ATRN: variants seen among roughly 807,000 people sequenced by gnomAD.
The protein encoded by ATRN is attractin.
ATRN carries 54 observed loss-of-function variants against 178.7 expected under a neutral mutation model. The ratio of observed to expected loss-of-function variants is 0.30; its 90% confidence interval spans 0.24 to 0.38. ATRN has a LOEUF of 0.38. ATRN is among the 10% of genes least tolerant of loss of function. ATRN has a pLI of 1.00. For missense variants in ATRN, 1,443 were observed against 1,815.1 expected (o/e 0.79, Z 3.73); for synonymous variants, 636 against 663.0 (o/e 0.96, Z 0.63).
At chr20:3,601,047 C>G (rs1419223151) in intron 23 of ATRN, 23 bp downstream of exon 23, 2 of 1,567,310 alleles carry the variant, frequency 1.3e-6, no homozygotes, top group Non-Finnish European at 8.8e-7. Context: ...CTAGAGAAGA[C>G]CCCGCAAATG....
At chr20:3,629,623 C>A (rs1202708443) in intron 25 of ATRN, among the ~76,000 whole-genome samples, 1 of 152,230 alleles carries the variant, frequency 6.6e-6, no homozygotes, top group African/African-American at 2.4e-5. Context: ...GCTCCCACTT[C>A]AGACACTAAG....
chr20:3,641,590 CAAAA>C (rs61692220), intron 27 of ATRN, among the ~76,000 whole-genome samples: 10 of 47,808 alleles, frequency 2.1e-4, no homozygotes, highest in African/African-American at 8.0e-4. Context: ...GACTCTGTCG[CAAAA>C]AAAAAAAAAA....
chr20:3,611,570 C>T (rs927954510), intron 24 of ATRN, among the ~76,000 whole-genome samples: 2 of 152,056 alleles, frequency 1.3e-5, no homozygotes, highest in Admixed American at 6.6e-5. Flanking sequence ...GGCAAAACCC[C>T]GTCTCTACTA....
chr20:3,557,033 A>T (rs1035982314), intron 6 of ATRN, among the ~76,000 whole-genome samples: 3 of 152,146 alleles, frequency 2.0e-5, no homozygotes, highest in Non-Finnish European at 4.4e-5. Flanking sequence ...TTTCTTTTAA[A>T]CATACAGAAA....
chr20:3,498,869 A>G (rs1437875743), intron 1 of ATRN, among the ~76,000 whole-genome samples: 6 of 140,144 alleles, frequency 4.3e-5, no homozygotes, highest in East Asian at 3.9e-4. Flanking sequence ...AGGGTATTCA[A>G]TTAGGAAAAG....
intron 1 of ATRN, among the ~76,000 whole-genome samples, chr20:3,521,642 T>C (rs180912897): frequency 1.8e-4 from 27 of 152,354 alleles, no homozygotes; most frequent in Admixed American, 1.1e-3. Flanking sequence ...GTCAATTAAC[T>C]TGACATAATT....
chr20:3,478,380 A>G (rs1435981124), intron 1 of ATRN, among the ~76,000 whole-genome samples: 1 of 152,230 alleles, frequency 6.6e-6, no homozygotes, highest in Non-Finnish European at 1.5e-5. Flanking sequence ...CTGTGCAGCC[A>G]TAAAAAATGG....
At position 3,506,252 on chromosome 20, in the gene ATRN, C is replaced by T. The variant is rs537743159; in HGVS notation, c.411-29001C>T. On this transcript the variant is annotated intron_variant, in intron 1 of 28. Transcript: ENST00000262919. ...CTCTCTGTATTGCTCCTTATAACTGCATGTGAGTCTGCTATTATCTCAATT... is the reference window on the plus strand; with the variant it reads ...CTCTCTGTATTGCTCCTTATAACTGTATGTGAGTCTGCTATTATCTCAATT... Among the ~76,000 whole-genome samples, 14 of 152,274 alleles carry T rather than the reference C, an allele frequency of 9.2e-5. No homozygotes were observed. In the South Asian group the frequency reaches 2.9e-3, roughly 32 times the overall value.
rs1359944427 is a variant in ATRN, at chr20:3,471,090, C to G, written c.-18C>G. On this transcript the variant is annotated 5_prime_UTR_variant, in exon 1 of 29. Transcript: ENST00000262919. ...GTGTGTGTATGTGTTCGCGGGGCGC[C>G]GTCTCAGCCCCGGGAAGATGGTGGC... 2 of 1,507,592 alleles carry G rather than the reference C, an allele frequency of 1.3e-6. No homozygotes were observed. Among genetic ancestry groups the G allele is most frequent in the South Asian group, 1.2e-5 (1 of 81,992 alleles). 93.4% of individuals were successfully genotyped at this position (1,507,592 alleles called of 1,614,324 possible).
At chr20:3,491,254 CT>C (rs2084790093) in intron 1 of ATRN, among the ~76,000 whole-genome samples, 1 of 152,100 alleles carries the variant, frequency 6.6e-6, no homozygotes, top group Non-Finnish European at 1.5e-5. Flanking sequence ...TGAAATTGTT[CT>C]CTTGTTAACA....
At position 3,613,500 on chromosome 20, in the gene ATRN, T is replaced by C. The variant is rs553093019; in HGVS notation, c.3801+9238T>C. Among the ~76,000 whole-genome samples, 7 of 152,300 alleles carry C rather than the reference T, an allele frequency of 4.6e-5. No individual in the cohort carries two copies. The South Asian group carries it at 1.5e-3, about 32-fold the overall frequency. Reference sequence around the variant, plus strand: ...TCCCCAGAGACTTAGCTTTTCTAGGTGTGTAGCATGGCTCTTAAATACACA... The same window carrying C: ...TCCCCAGAGACTTAGCTTTTCTAGGCGTGTAGCATGGCTCTTAAATACACA... On this transcript the variant is annotated intron_variant, in intron 24 of 28. Transcript: ENST00000262919.
At chr20:3,598,496 A>T (rs1056134114) in intron 22 of ATRN, among the ~76,000 whole-genome samples, 26 of 152,224 alleles carry the variant, frequency 1.7e-4, no homozygotes, top group African/African-American at 6.0e-4. Context: ...TAGCCTCATT[A>T]GGAGGCAAAA....
chr20:3,512,107 A>ATATATATATATATATATATATTTTTTTTT, intron 1 of ATRN, among the ~76,000 whole-genome samples: 3 of 106,394 alleles, frequency 2.8e-5, no homozygotes, highest in South Asian at 2.9e-4. Flanking sequence ...ATATATATAT[A>ATATATATATATATATATATATTTTTTTTT]TTTTTTTTTT....
intron 1 of ATRN, among the ~76,000 whole-genome samples, chr20:3,525,161 CAAA>C (rs765772451): frequency 4.0e-5 from 6 of 151,618 alleles, no homozygotes; most frequent in Non-Finnish European, 7.4e-5. Context: ...GCTTGACTAA[CAAA>C]GAAGAAAAGA....
At chr20:3,548,369 G>A (rs765580393) in intron 5 of ATRN, among the ~76,000 whole-genome samples, 13 of 152,288 alleles carry the variant, frequency 8.5e-5, no homozygotes, top group Admixed American at 1.3e-4. Flanking sequence ...GGGAGGCCAA[G>A]GCAGGCGGCT....
chr20:3,541,264 A>C (rs902671706), intron 3 of ATRN, among the ~76,000 whole-genome samples: 7 of 151,674 alleles, frequency 4.6e-5, no homozygotes, highest in Admixed American at 2.6e-4. Flanking sequence ...TTTTTAGTAG[A>C]GACGGGGTTT....
Position 3,632,248 on chromosome 20 carries a change from G to GAT in ATRN, c.3864-2062_3864-2061insTA, listed in dbSNP as rs760953683. Among the ~76,000 whole-genome samples the GAT allele has an allele frequency of 3.3e-5, 5 of 152,116 alleles. No individual in the cohort carries two copies. Among genetic ancestry groups the GAT allele is most frequent in the Non-Finnish European group, 7.4e-5 (5 of 68,026 alleles). ...GTTTGAGCCACCATCATCTCACCTAGACTGCTGGTCTCCCTGATAATGCCA... is the reference window on the plus strand; with the variant it reads ...GTTTGAGCCACCATCATCTCACCTAGATACTGCTGGTCTCCCTGATAATGCCA... On this transcript the variant is annotated intron_variant, in intron 25 of 28. Transcript: ENST00000262919. This position sits in a 1 kb window ranked among gnomAD's most constrained non-coding sequence, Gnocchi z 4.2.
At chr20:3,624,214 G>T (rs938065269) in intron 24 of ATRN, among the ~76,000 whole-genome samples, 1 of 152,136 alleles carries the variant, frequency 6.6e-6, no homozygotes, top group Non-Finnish European at 1.5e-5. Flanking sequence ...GGGAGGGAGC[G>T]CCAGGCTTCA....
chr20:3,541,229 T>C (rs928788548), intron 3 of ATRN, among the ~76,000 whole-genome samples: 61 of 150,832 alleles, frequency 4.0e-4, no homozygotes, highest in South Asian at 1.1e-3. Flanking sequence ...AGGCGCCCGC[T>C]ACCACGCCCG....
Sources: gnomAD v4.1 joint callset for allele counts (sites outside exome capture counted in the v4.1 genomes callset) on GRCh38, gnomAD v4.1.1 for gene constraint, Gnocchi (gnomAD v3.1) non-coding constraint, MANE v1.5 for transcripts, NCBI Gene and HGNC (gene_info 2026-07-23, HGNC 2026-07-21) for gene names.